The following EXTL2 variants were observed in gnomAD, a reference collection of about 807,000 sequenced individuals.
The protein encoded by EXTL2 is exostosin like glycosyltransferase 2, also known as exostosin-like 2.
A neutral mutation model predicts 30.7 loss-of-function variants in EXTL2; 23 were observed. The observed-to-expected ratio is 0.75, with a 90% confidence interval of 0.54 to 1.06. The LOEUF is 1.06. EXTL2 is among the 50% of genes least tolerant of loss of function. The pLI, the probability that EXTL2 is intolerant of heterozygous loss-of-function variation, is 0.00. For synonymous variants in EXTL2, 123 were observed against 133.8 expected, an observed-to-expected ratio of 0.92 and a Z score of 0.56; for missense variants, 352 against 396.3, an observed-to-expected ratio of 0.89 and a Z score of 0.95.
At position 100,874,370 on chromosome 1, in the gene EXTL2, T is replaced by C. The variant is rs549748136; in HGVS notation, c.565A>G (p.Ile189Val). ...ATTTCAAAACTTCCATAACTGTAGA[T>C]ACCTGATGAAGTAGAGACGTGCTTT... The part of the protein sequence containing the change: ...PRKHVSTSSG[I>V]YSYGSFEMQA... The change falls in exon 5 of 5, where the codon ATC becomes GTC. Residue 189 changes from isoleucine to valine, a missense_variant. By Grantham distance (29) the Ile-to-Val change is conservative. Coordinates refer to ENST00000370114, the MANE Select transcript of EXTL2 (RefSeq NM_001033025.3). 8 of 1,612,234 alleles carry C rather than the reference T, an allele frequency of 5.0e-6. No individual in the cohort carries two copies. Among genetic ancestry groups the C allele is most frequent in the Middle Eastern group, 1.7e-4 (1 of 6,002 alleles).
At chr1:100,887,876 T>G (rs1361168462) in intron 2 of EXTL2, among the ~76,000 whole-genome samples, 2 of 152,160 alleles carry the variant, frequency 1.3e-5, no homozygotes, top group Non-Finnish European at 2.9e-5. Flanking sequence ...TTTTTTTGTA[T>G]TTTTAGTAGA....
At chr1:100,874,518 G>GA (rs761666986) in intron 4 of EXTL2, 88 bp from the exon 5 acceptor site, 44 of 1,079,642 alleles carry the variant, frequency 4.1e-5, no homozygotes, top group Non-Finnish European at 5.4e-5. Context: ...CAGAGAGAAT[G>GA]AAACTGATTT....
intron 4 of EXTL2, among the ~76,000 whole-genome samples, chr1:100,874,804 A>G (rs1037962258): frequency 8.5e-5 from 13 of 152,060 alleles, no homozygotes; most frequent in African/African-American, 3.1e-4. Context: ...AGATAATGGG[A>G]TCGTTTTGAA....
At chr1:100,890,387 C>T (rs988708992) in intron 1 of EXTL2, among the ~76,000 whole-genome samples, 17 of 152,228 alleles carry the variant, frequency 1.1e-4, no homozygotes, top group Admixed American at 2.6e-4. Flanking sequence ...CTGTGAAGGT[C>T]TCTGACATGC....
intron 4 of EXTL2, 45 bp downstream of exon 4, chr1:100,876,749 C>T (rs961803734): frequency 7.9e-6 from 11 of 1,396,312 alleles, no homozygotes; most frequent in Non-Finnish European, 1.0e-5. Context: ...AAGTACTAGT[C>T]AAGATCTTAT....
intron 2 of EXTL2, chr1:100,885,610 T>A (rs893187169): frequency 7.2e-5 from 11 of 152,186 alleles, no homozygotes; most frequent in Non-Finnish European, 1.3e-4. Flanking sequence ...ATAAGCAGCA[T>A]AAACTAGAAT....
At position 100,876,869 on chromosome 1, in the gene EXTL2, A is replaced by T; in HGVS notation, c.434-5T>A. 1 of 1,607,106 alleles carries T rather than the reference A, an allele frequency of 6.2e-7. No homozygotes were observed. Among genetic ancestry groups the T allele is most frequent in the East Asian group, 2.2e-5 (1 of 44,778 alleles). On this transcript the variant is annotated splice_polypyrimidine_tract_variant and splice_region_variant and intron_variant, in intron 3 of 4. Coordinates refer to ENST00000370114, the MANE Select transcript of EXTL2 (RefSeq NM_001033025.3). ...CATCATCTACCATCAACACTGCTAA[A>T]ATGAAAGGACAAAAATTTAAGTTGA... is the stretch of plus-strand genomic sequence containing the variant.
chr1:100,878,751 G>T (rs1255158413), intron 2 of EXTL2, among the ~76,000 whole-genome samples: 1 of 151,968 alleles, frequency 6.6e-6, no homozygotes, highest in Non-Finnish European at 1.5e-5. Context: ...TGCTTACAGA[G>T]ATTACATGCC....
At chr1:100,881,159 A>G (rs898176611) in intron 2 of EXTL2, 1 of 545,086 alleles carries the variant, frequency 1.8e-6, no homozygotes, top group African/African-American at 2.1e-5. Flanking sequence ...AAAATTATGT[A>G]AATTTTAGTT....
chr1:100,881,402 G>C (rs1649547414), intron 2 of EXTL2, among the ~76,000 whole-genome samples: 1 of 152,180 alleles, frequency 6.6e-6, no homozygotes, highest in African/African-American at 2.4e-5. Flanking sequence ...TTTGAGCTTT[G>C]AATGAGAGAT....
intron 2 of EXTL2, among the ~76,000 whole-genome samples, chr1:100,887,919 T>C (rs1322487628): frequency 6.6e-6 from 1 of 152,208 alleles, no homozygotes; most frequent in African/African-American, 2.4e-5. Flanking sequence ...CAGGATGGTC[T>C]CGATCTCCTG....
At chr1:100,892,054 G>T (rs1429805818) in intron 1 of EXTL2, among the ~76,000 whole-genome samples, 1 of 152,122 alleles carries the variant, frequency 6.6e-6, no homozygotes, top group Admixed American at 6.5e-5. Context: ...AATGTGTATG[G>T]GTTCAAGTTG....
In EXTL2 at chr1:100,876,803, T is replaced by C. The variant is rs1649153301; in HGVS notation, c.495A>G (p.Ser165=). 3 of 1,611,418 alleles carry C rather than the reference T, an allele frequency of 1.9e-6. No homozygotes were observed. Among genetic ancestry groups the C allele is most frequent in the Non-Finnish European group, 2.5e-6 (3 of 1,178,066 alleles). ...ISTPDLVFAF[S]VWQQFPDQIV... is the part of the protein sequence containing the mutation. ...GAGACAGCAACATTACCTGCCAAAC[T>C]GAGAAAGCAAAAACAAGGTCTGGGG... Residue 165 remains serine (S), a synonymous_variant, in exon 4 of 5, where the codon TCA becomes TCG. Transcript: ENST00000370114.
At chr1:100,882,395 C>T (rs948877685) in intron 2 of EXTL2, among the ~76,000 whole-genome samples, 1 of 152,182 alleles carries the variant, frequency 6.6e-6, no homozygotes, top group African/African-American at 2.4e-5. Flanking sequence ...GTTGAGAAAC[C>T]CTGATCTACA....
chr1:100,876,249 T>C (rs1485317594), intron 4 of EXTL2, among the ~76,000 whole-genome samples: 2 of 152,168 alleles, frequency 1.3e-5, no homozygotes, highest in East Asian at 3.9e-4. Context: ...TATAGGATAC[T>C]GACCAATTTA....
intron 4 of EXTL2, 35 bp from the exon 5 acceptor site, chr1:100,874,465 A>C: frequency 6.7e-7 from 1 of 1,501,604 alleles, no homozygotes; most frequent in Non-Finnish European, 9.0e-7. Context: ...AAAATGTCAC[A>C]TATTTTTAGA....
chr1:100,886,023 ATCTTGTGAT>A (rs1649937717), intron 2 of EXTL2: 1 of 152,242 alleles, frequency 6.6e-6, no homozygotes, highest in Non-Finnish European at 1.5e-5. Flanking sequence ...TCAGAGATTC[ATCTTGTGAT>A]CTTATGTTTA....
intron 2 of EXTL2, among the ~76,000 whole-genome samples, chr1:100,887,204 C>T (rs765316740): frequency 2.0e-5 from 3 of 152,170 alleles, no homozygotes; most frequent in Non-Finnish European, 4.4e-5. Flanking sequence ...TCTCTTTTAT[C>T]CAATATTGGT....
chr1:100,890,056 T>C (rs545565718), intron 1 of EXTL2, among the ~76,000 whole-genome samples: 63 of 152,350 alleles, frequency 4.1e-4, no homozygotes, highest in African/African-American at 1.4e-3. Context: ...AGGTTCTCCA[T>C]GAGGGCTCCA....
Sources: gnomAD v4.1 joint callset for allele counts (sites outside exome capture counted in the v4.1 genomes callset) on GRCh38, gnomAD v4.1.1 for gene constraint, MANE v1.5 for transcripts, NCBI Gene and HGNC (gene_info 2026-07-23, HGNC 2026-07-21) for gene names.